Variants in RELN observed in about 807,000 individuals in gnomAD.
The protein encoded by RELN is reelin.
Under a neutral mutation model 427.6 loss-of-function variants are expected in RELN, and 108 were observed. The ratio of observed to expected loss-of-function variants is 0.25; its 90% CI spans 0.22 to 0.30. The LOEUF is 0.30. Among genes scored for constraint, RELN ranks in the 10% least tolerant of loss-of-function variants. RELN has a pLI of 1.00. For missense variants in RELN, 3,715 were observed against 4,302.8 expected, an observed-to-expected ratio of 0.86 and a Z score of 3.82; for synonymous variants, 1,524 against 1,513.4, an observed-to-expected ratio of 1.01 and a Z score of -0.16.
intron 6 of RELN, among the ~76,000 whole-genome samples, chr7:103,740,228 G>A (rs527306959): frequency 3.1e-4 from 47 of 152,180 alleles, no homozygotes; most frequent in Admixed American, 9.2e-4. Flanking sequence ...AATTAGGTTG[G>A]GTTATGGAAG....
chr7:103,629,017 T>C (rs78626646), intron 20 of RELN, among the ~76,000 whole-genome samples: 6,140 of 152,258 alleles, frequency 0.04, 168 homozygotes, highest in East Asian at 0.14. Context: ...CCATGGTCAC[T>C]CTCGCCTGGG....
chr7:103,487,184 A>G (rs1345512825), intron 60 of RELN, among the ~76,000 whole-genome samples: 1 of 152,180 alleles, frequency 6.6e-6, no homozygotes, highest in Non-Finnish European at 1.5e-5. Flanking sequence ...GCATGTTCTA[A>G]TTCATAGGTG....
rs879596539 is a variant in RELN, at chr7:103,696,320, C to T, written c.1143+1533G>A. ...AGTGCAATTTCATATTCCATGCACT[C>T]TCCGGGCAGGCAAGCCCATGATTTG... is the stretch of plus-strand genomic sequence containing the variant. On this transcript the variant is annotated intron_variant, in intron 10 of 64. Coordinates refer to ENST00000428762, the MANE Select transcript of RELN (RefSeq NM_005045.4). Among the ~76,000 whole-genome samples the T allele has an allele frequency of 9.5e-4, 144 of 152,264 alleles. 1 individual carries two copies. Among genetic ancestry groups the T allele is most frequent in the African/African-American group, 2.7e-3 (114 of 41,576 alleles).
intron 3 of RELN, among the ~76,000 whole-genome samples, chr7:103,776,842 A>G (rs770734065): frequency 3.3e-5 from 5 of 152,346 alleles, no homozygotes; most frequent in Middle Eastern, 3.4e-3. Context: ...CTATATAAAG[A>G]CACTGTAACA....
intron 17 of RELN, among the ~76,000 whole-genome samples, chr7:103,639,617 C>G (rs1176482683): frequency 1.3e-5 from 2 of 151,962 alleles, no homozygotes; most frequent in African/African-American, 4.8e-5. Flanking sequence ...CCAGGCTGGT[C>G]TCGAACTCCT....
At chr7:103,701,398 T>C (rs981779900) in intron 8 of RELN, among the ~76,000 whole-genome samples, 8 of 152,096 alleles carry the variant, frequency 5.3e-5, no homozygotes, top group Non-Finnish European at 1.0e-4. Flanking sequence ...AGTCATTACA[T>C]TGAGGAATAA....
chr7:103,800,715 C>T (rs1372688448), intron 3 of RELN, among the ~76,000 whole-genome samples: 1 of 152,058 alleles, frequency 6.6e-6, no homozygotes, highest in Non-Finnish European at 1.5e-5. Context: ...GCAACAAAAG[C>T]CAAAATTGAC....
At chr7:103,702,581 T>G (rs1274315699) in intron 8 of RELN, among the ~76,000 whole-genome samples, 1 of 152,216 alleles carries the variant, frequency 6.6e-6, no homozygotes. Context: ...TCTTGTCTAT[T>G]TTCTTATGCT....
At chr7:103,864,014 T>C (rs1319692702) in intron 2 of RELN, among the ~76,000 whole-genome samples, 2 of 152,100 alleles carry the variant, frequency 1.3e-5, no homozygotes, top group Non-Finnish European at 2.9e-5. Context: ...ACTGGAGCCA[T>C]GTGAGAACTC....
intron 1 of RELN, among the ~76,000 whole-genome samples, chr7:103,945,811 G>C (rs951368876): frequency 6.6e-6 from 1 of 152,036 alleles, no homozygotes; most frequent in South Asian, 2.1e-4. Flanking sequence ...GGTATCTTTA[G>C]ATACACAAAC....
At chr7:103,872,300 G>A (rs1367280637) in intron 2 of RELN, among the ~76,000 whole-genome samples, 1 of 133,754 alleles carries the variant, frequency 7.5e-6, no homozygotes, top group African/African-American at 2.6e-5. Context: ...ACCTATAAGT[G>A]AGAATATGCG....
At chr7:103,597,230 C>G (rs1029435081) in intron 24 of RELN, among the ~76,000 whole-genome samples, 1 of 152,174 alleles carries the variant, frequency 6.6e-6, no homozygotes, top group African/African-American at 2.4e-5. Flanking sequence ...AACATCCTCT[C>G]CAGAGATATG....
rs71923959 is a variant in RELN at position 103,912,201 on chromosome 7, C to CT, written c.337+4873dup. ...TTTAATCAAATTTTGTCACTTTAAGCTTTTTTTTTTTTGAGACAGAGTCTT... is the reference window on the plus strand; with the variant it reads ...TTTAATCAAATTTTGTCACTTTAAGCTTTTTTTTTTTTTGAGACAGAGTCTT... On this transcript the variant is annotated intron_variant, in intron 2 of 64. Transcript: ENST00000428762. Among the ~76,000 whole-genome samples, 1,018 of 144,448 alleles carry CT rather than the reference C, an allele frequency of 7.0e-3. 7 individuals are homozygous for CT. Among genetic ancestry groups the CT allele is most frequent in the South Asian group, 0.021 (95 of 4,534 alleles). The allele number at this position is 144,448 out of a possible 152,430, so 94.8% of individuals were successfully genotyped here.
chr7:103,773,226 CCTCG>C (rs1791634954), intron 4 of RELN, among the ~76,000 whole-genome samples: 1 of 97,666 alleles, frequency 1.0e-5, no homozygotes, highest in Non-Finnish European at 1.9e-5. Context: ...TCCCTCCCTC[CCTCG>C]CTCCCTCCCT....
intron 6 of RELN, among the ~76,000 whole-genome samples, chr7:103,730,327 C>G (rs1326457456): frequency 6.6e-6 from 1 of 151,686 alleles, no homozygotes; most frequent in Non-Finnish European, 1.5e-5. Flanking sequence ...TATTACAAGC[C>G]CCCTCCTTCC....
At chr7:103,596,337 T>C (rs1831536590) in intron 25 of RELN, 119 bp downstream of exon 25, 1 of 852,684 alleles carries the variant, frequency 1.2e-6, no homozygotes, top group Admixed American at 1.9e-5. Context: ...ATCATTCATG[T>C]TAAATTTTTA....
In RELN at chr7:103,496,237, A is replaced by G. The variant is rs563749315; in HGVS notation, c.9193+289T>C. 2.6e-5 allele frequency among the ~76,000 whole-genome samples: 4 copies of G among 152,352 alleles called. No individual in the cohort carries two copies. In the South Asian group the frequency reaches 8.3e-4, roughly 32 times the overall value. ...AGTGCATTAAGTATTTCTGTGACACATTAATTACTAAAGAAACTAAAATTA... is the reference window on the plus strand; with the variant it reads ...AGTGCATTAAGTATTTCTGTGACACGTTAATTACTAAAGAAACTAAAATTA... On this transcript the variant is annotated intron_variant, in intron 56 of 64. Transcript: ENST00000428762.
At chr7:103,490,585 C>G in intron 59 of RELN, 83 bp downstream of exon 59, 1 of 1,422,892 alleles carries the variant, frequency 7.0e-7, no homozygotes, top group Non-Finnish European at 9.9e-7. Flanking sequence ...CTGCCTCACA[C>G]TGTCAGTTGT....
chr7:103,825,290 C>A (rs1488464420), intron 3 of RELN, among the ~76,000 whole-genome samples: 1 of 151,962 alleles, frequency 6.6e-6, no homozygotes, highest in Non-Finnish European at 1.5e-5. Flanking sequence ...ATGGGGCAGA[C>A]AGAGGAAAAT....
Sources: allele counts gnomAD v4.1 joint callset (sites outside exome capture counted in the v4.1 genomes callset), GRCh38; gene constraint gnomAD v4.1.1; transcripts MANE v1.5; gene names NCBI Gene and HGNC (gene_info 2026-07-23, HGNC 2026-07-21).